SLC12A3: variants seen among roughly 807,000 people sequenced by gnomAD.
SLC12A3 encodes the protein Na-Cl cotransporter.
SLC12A3 carries 104 observed loss-of-function variants against 121.0 expected under a neutral mutation model. The ratio of observed to expected loss-of-function variants is 0.86; its 90% CI spans 0.73 to 1.01. The LOEUF (loss-of-function observed/expected upper bound fraction) is 1.01. Among genes scored for constraint, SLC12A3 ranks in the 50% least tolerant of loss-of-function variants. The pLI is 0.00. For synonymous variants in SLC12A3, 536 were observed against 533.4 expected, an observed-to-expected ratio of 1.00 and a Z score of -0.07; for missense variants, 1,328 against 1,356.3, an observed-to-expected ratio of 0.98 and a Z score of 0.33.
intron 14 of SLC12A3, 86 bp downstream of exon 14, chr16:56,884,290 C>A (rs1258585446): frequency 2.9e-6 from 4 of 1,391,576 alleles, no homozygotes; most frequent in South Asian, 1.2e-5. Context: ...GTTGGAGGGC[C>A]CTGAGTCCGG....
At position 56,872,353 on chromosome 16, in the gene SLC12A3, C is replaced by T; in HGVS notation, c.855C>T (p.Ala285=). 3.7e-6 allele frequency: 6 copies of T among 1,612,808 alleles called. No individual in the cohort carries two copies. The highest frequency in any genetic ancestry group is 1.1e-5 in the South Asian group (1 of 91,070). ...SLAGMEWESK[A]QVLFFLVIMV... ...CTGGGGTCCTTCGCCCCCTCCAGGC[C>T]CAGGTGCTGTTCTTCCTTGTCATCA... is the stretch of plus-strand genomic sequence containing the variant. Residue 285 remains alanine (A), a splice_region_variant and synonymous_variant, in exon 7 of 26, where the codon GCC becomes GCT. Transcript: ENST00000563236.
intron 2 of SLC12A3, 68 bp from the exon 3 acceptor site, chr16:56,868,229 G>C (rs376695324): frequency 1.4e-6 from 2 of 1,463,674 alleles, no homozygotes; most frequent in African/African-American, 2.8e-5. Context: ...CCATAGCAAG[G>C]GACAGGGACT....
intron 12 of SLC12A3, among the ~76,000 whole-genome samples, chr16:56,881,178 A>G (rs1252103427): frequency 6.6e-6 from 1 of 152,106 alleles, no homozygotes; most frequent in Admixed American, 6.5e-5. Flanking sequence ...GCTCATGGGC[A>G]CCCTCCTGCC....
In SLC12A3 at chr16:56,886,963, A is replaced by G. The variant is rs141003816; in HGVS notation, c.2048A>G (p.Lys683Arg). The change falls in exon 17 of 26, where the codon AAG becomes AGG. Residue 683 changes from lysine (K) to arginine (R), a missense_variant. Transcript: ENST00000563236. ...ICGHVLIGPH[K>R]QRMPELQLIA... Reference sequence around the variant, plus strand: ...CCCTCCCACCCACAGGGACCCCACAAGCAGAGGATGCCTGAGCTCCAGCTC... The same window carrying G: ...CCCTCCCACCCACAGGGACCCCACAGGCAGAGGATGCCTGAGCTCCAGCTC... The G allele has an allele frequency of 2.7e-5, 44 of 1,613,584 alleles. No homozygotes were observed. Among genetic ancestry groups the G allele is most frequent in the Non-Finnish European group, 3.7e-5 (44 of 1,180,012 alleles).
In SLC12A3 at chr16:56,880,224, ACG is replaced by A; in HGVS notation, c.1540_1541del (p.Ala514HisfsTer10). ...CCCGTGCGTGGCTACCTGCTGGCCT[ACG>A]CCATCGCTGTGGCCTTCATCATCAT... On this transcript the variant is annotated frameshift_variant, in exon 12 of 26. Coordinates refer to ENST00000563236, the MANE Select transcript of SLC12A3 (RefSeq NM_001126108.2). LOFTEE classifies it high-confidence loss of function. 1 of 1,587,026 alleles carries A rather than the reference ACG, an allele frequency of 6.3e-7. No homozygotes were observed. The highest frequency in any genetic ancestry group is 8.6e-7 in the Non-Finnish European group (1 of 1,166,606).
chr16:56,877,003 G>T (rs1332625153), intron 8 of SLC12A3, among the ~76,000 whole-genome samples: 2 of 152,240 alleles, frequency 1.3e-5, no homozygotes, highest in Non-Finnish European at 2.9e-5. Context: ...GCTGAGCAGG[G>T]GTGCCCAGGC....
At chr16:56,880,354 G>A (rs1291457570) in intron 12 of SLC12A3, 101 bp downstream of exon 12, 8 of 1,426,326 alleles carry the variant, frequency 5.6e-6, no homozygotes, top group African/African-American at 2.8e-5. Flanking sequence ...TCATCTCCCC[G>A]CCGGGCCTGA....
At chr16:56,873,267 G>A (rs567660029) in intron 8 of SLC12A3, among the ~76,000 whole-genome samples, 1 of 151,914 alleles carries the variant, frequency 6.6e-6, no homozygotes, top group African/African-American at 2.4e-5. Context: ...TGCTTTGCCC[G>A]TGTTACCTCG....
rs1783145677 is a variant in SLC12A3 at position 56,913,257 on chromosome 16, C to G, written c.2925-7C>G. On this transcript the variant is annotated splice_region_variant and splice_polypyrimidine_tract_variant and intron_variant, in intron 25 of 25. Transcript: ENST00000563236. ...TCTCTCTTCTACCACTTTTTCATGCCTTGCAGCACTTTGCCCATAGGGAGG... is the reference window on the plus strand; with the variant it reads ...TCTCTCTTCTACCACTTTTTCATGCGTTGCAGCACTTTGCCCATAGGGAGG... The G allele has an allele frequency of 6.2e-7, 1 of 1,614,144 alleles. No homozygotes were observed. The highest frequency in any genetic ancestry group is 8.5e-7 in the Non-Finnish European group (1 of 1,180,022).
At position 56,892,890 on chromosome 16, in the gene SLC12A3, G is replaced by A. The variant is rs377413049; in HGVS notation, c.2420-63G>A. 8.5e-5 allele frequency: 118 copies of A among 1,391,604 alleles called. No individual in the cohort carries two copies. The African/African-American group carries it at 1.5e-3, about 18-fold the overall frequency. The allele number at this position is 1,391,604 out of a possible 1,614,324, so 86.2% of individuals were successfully genotyped here. On this transcript the variant is annotated intron_variant, in intron 20 of 25. Transcript: ENST00000563236. ...TCAGAAGGGGCGTTGGCGGGGCCCT[G>A]GGCCAGGCCTGCCTGGATGCGCGGC...
chr16:56,869,368 C>T (rs1233403057), intron 3 of SLC12A3, among the ~76,000 whole-genome samples: 24 of 152,084 alleles, frequency 1.6e-4, no homozygotes, highest in Admixed American at 1.6e-3. Context: ...CACTCTGTCA[C>T]CCAGGCTGGA....
Position 56,890,471 on chromosome 16 carries a change from T to C in SLC12A3, c.2368+115T>C, listed in dbSNP as rs1192882714. On this transcript the variant is annotated intron_variant, in intron 19 of 25. Coordinates refer to ENST00000563236, the MANE Select transcript of SLC12A3 (RefSeq NM_001126108.2). ...GGTTACAGACTCATAGAAAGTCGCCTCTTAATGGTCCCTTAGAGCCCATCA... is the reference window on the plus strand; with the variant it reads ...GGTTACAGACTCATAGAAAGTCGCCCCTTAATGGTCCCTTAGAGCCCATCA... 10 of 825,754 alleles carry C rather than the reference T, an allele frequency of 1.2e-5. No individual in the cohort carries two copies. In the East Asian group the frequency reaches 2.7e-4, roughly 22 times the overall value. The allele number at this position is 825,754 out of a possible 1,614,324, so 51.2% of individuals were successfully genotyped here. A position where few individuals can be genotyped will look rare whatever the true frequency, so the allele number is the denominator to read the frequency against.
At chr16:56,870,786 C>A (rs767327054) in intron 6 of SLC12A3, 50 bp downstream of exon 6, 3 of 1,173,798 alleles carry the variant, frequency 2.6e-6, no homozygotes, top group South Asian at 2.5e-5. Context: ...CGTGGAGAAG[C>A]GGGGGTTGCC....
At chr16:56,878,596 A>G (rs192489031) in intron 9 of SLC12A3, among the ~76,000 whole-genome samples, 2 of 152,136 alleles carry the variant, frequency 1.3e-5, no homozygotes, top group African/African-American at 4.8e-5. Flanking sequence ...CAGAGACGTT[A>G]AGTGACCTGC....
intron 24 of SLC12A3, 23 bp downstream of exon 24, chr16:56,902,531 G>GGGGGGGGGGC: frequency 2.8e-6 from 2 of 714,562 alleles, no homozygotes; most frequent in Non-Finnish European, 2.4e-6. Flanking sequence ...GTGGGGGTGG[G>GGGGGGGGGGC]AAACGCGACA....
At chr16:56,865,991 CT>C (rs5817079) in intron 1 of SLC12A3, among the ~76,000 whole-genome samples, 110,725 of 139,812 alleles carry the variant, frequency 0.79, 43,173 homozygotes, top group East Asian at 0.93. Context: ...CTTTTCTTTT[CT>C]TTTTTTTTTT....
chr16:56,887,794 ATATATTTTT>A (rs1388901352), intron 17 of SLC12A3, 122 bp from the exon 18 acceptor site: 26 of 102,692 alleles, frequency 2.5e-4, no homozygotes, highest in East Asian at 1.9e-3. Context: ...ATATATATAT[ATATATTTTT>A]TTTTTTTTTT....
At chr16:56,901,345 C>CTTTTTTTTTTTTTT (rs1408480661) in intron 23 of SLC12A3, among the ~76,000 whole-genome samples, 2,331 of 83,536 alleles carry the variant, frequency 0.028, 167 homozygotes, top group African/African-American at 0.14. Flanking sequence ...ATCTCTCTCT[C>CTTTTTTTTTTTTTT]TCTTTTTTTT....
intron 21 of SLC12A3, among the ~76,000 whole-genome samples, chr16:56,894,015 AT>A (rs1233605184): frequency 6.2e-5 from 8 of 128,698 alleles, no homozygotes; most frequent in Non-Finnish European, 1.1e-4. Flanking sequence ...TTATTTATTT[AT>A]TTATTGAGAT....
Sources: allele counts gnomAD v4.1 joint callset (sites outside exome capture counted in the v4.1 genomes callset), GRCh38; gene constraint gnomAD v4.1.1; transcripts MANE v1.5; gene names NCBI Gene and HGNC (gene_info 2026-07-23, HGNC 2026-07-21).